NEO1: variants seen among roughly 807,000 people sequenced by gnomAD.
NEO1 encodes neogenin.
NEO1 carries 63 observed loss-of-function variants against 159.7 expected under a neutral mutation model. The ratio of observed to expected loss-of-function variants is 0.39; its 90% CI spans 0.32 to 0.49. The LOEUF is 0.49. Among genes scored for constraint, NEO1 ranks in the 20% least tolerant of loss-of-function variants. The pLI is 0.85. For missense variants in NEO1, 1,615 were observed against 1,831.0 expected, an observed-to-expected ratio of 0.88 and a Z score of 2.15; for synonymous variants, 633 against 662.0, an observed-to-expected ratio of 0.96 and a Z score of 0.67.
intron 1 of NEO1, among the ~76,000 whole-genome samples, chr15:73,060,761 C>G (rs1373921785): frequency 6.6e-6 from 1 of 152,100 alleles, no homozygotes; most frequent in Non-Finnish European, 1.5e-5. Flanking sequence ...GATCCCCAGC[C>G]TCAGCCTCCC....
chr15:73,210,583 T>C (rs2037502767), intron 7 of NEO1, among the ~76,000 whole-genome samples: 1 of 152,362 alleles, frequency 6.6e-6, no homozygotes, highest in East Asian at 1.9e-4. Flanking sequence ...GTGGAACTTC[T>C]ACAAATTAGA....
chr15:73,124,426 C>T (rs1267005925), intron 3 of NEO1, among the ~76,000 whole-genome samples: 1 of 152,136 alleles, frequency 6.6e-6, no homozygotes. Flanking sequence ...TTTTCCATGT[C>T]ATTCAGAGTT....
intron 7 of NEO1, among the ~76,000 whole-genome samples, chr15:73,229,419 G>A (rs1037637755): frequency 2.0e-5 from 3 of 148,914 alleles, no homozygotes; most frequent in Non-Finnish European, 3.0e-5. Flanking sequence ...CATATCCTCC[G>A]ACCTTGCTAG....
intron 7 of NEO1, among the ~76,000 whole-genome samples, chr15:73,201,327 G>C (rs979422802): frequency 2.6e-5 from 4 of 151,294 alleles, no homozygotes; most frequent in African/African-American, 9.7e-5. Context: ...TCCCTCTTTG[G>C]CCCATGAGTT....
intron 7 of NEO1, among the ~76,000 whole-genome samples, chr15:73,230,121 AT>A (rs1443716150): frequency 6.6e-6 from 1 of 152,178 alleles, no homozygotes; most frequent in African/African-American, 2.4e-5. Context: ...AAGGATTAGT[AT>A]TATTTCTCTT....
intron 19 of NEO1, 37 bp downstream of exon 19, chr15:73,272,599 C>A: frequency 1.4e-6 from 2 of 1,394,972 alleles, no homozygotes; most frequent in South Asian, 1.2e-5. Flanking sequence ...TTTGTGCGCT[C>A]TTCCTGCCTG....
chr15:73,196,878 T>C (rs2036560296), intron 7 of NEO1, among the ~76,000 whole-genome samples: 1 of 152,222 alleles, frequency 6.6e-6, no homozygotes, highest in African/African-American at 2.4e-5. Context: ...TTCCCATTCA[T>C]TGGAATTTAA....
chr15:73,193,880 C>T (rs778548841), intron 7 of NEO1, among the ~76,000 whole-genome samples: 4 of 151,854 alleles, frequency 2.6e-5, no homozygotes, highest in African/African-American at 7.3e-5. Context: ...GATTGAAGAA[C>T]GTGGCATGTG....
intron 7 of NEO1, among the ~76,000 whole-genome samples, chr15:73,181,755 G>A (rs987378506): frequency 1.3e-5 from 2 of 152,074 alleles, no homozygotes; most frequent in African/African-American, 4.8e-5. Context: ...TCCAACACTG[G>A]GGATTACCTT....
At chr15:73,134,011 C>T (rs1005518742) in intron 4 of NEO1, among the ~76,000 whole-genome samples, 5 of 152,142 alleles carry the variant, frequency 3.3e-5, no homozygotes, top group African/African-American at 1.2e-4. Flanking sequence ...AAATTATGTT[C>T]ATCTCAGCTG....
chr15:73,255,584 G>A (rs2040299003), intron 13 of NEO1: 1 of 152,218 alleles, frequency 6.6e-6, no homozygotes, highest in South Asian at 2.1e-4. Context: ...GATGCCCCAA[G>A]CTGTCCTTGT....
At chr15:73,111,427 T>C (rs2070983945) in intron 1 of NEO1, among the ~76,000 whole-genome samples, 1 of 152,208 alleles carries the variant, frequency 6.6e-6, no homozygotes, top group Non-Finnish European at 1.5e-5. Context: ...AGTAATACTA[T>C]TTTTATGTAA....
At chr15:73,269,542 G>A (rs1045717362) in intron 16 of NEO1, among the ~76,000 whole-genome samples, 2 of 152,040 alleles carry the variant, frequency 1.3e-5, no homozygotes, top group African/African-American at 4.8e-5. Flanking sequence ...TGTATTTTTA[G>A]TAGAGACAGG....
chr15:73,242,218 T>C (rs1242542669), intron 8 of NEO1, among the ~76,000 whole-genome samples: 2 of 152,196 alleles, frequency 1.3e-5, no homozygotes, highest in African/African-American at 4.8e-5. Flanking sequence ...TAAAATACAA[T>C]ACAGTTGACT....
At chr15:73,070,507 T>G (rs540052876) in intron 1 of NEO1, among the ~76,000 whole-genome samples, 1 of 152,316 alleles carries the variant, frequency 6.6e-6, no homozygotes, top group African/African-American at 2.4e-5. Flanking sequence ...ATGATGAAAG[T>G]GAATCATGGA....
chr15:73,263,229 T>C (rs188594075), intron 15 of NEO1, among the ~76,000 whole-genome samples: 2 of 150,586 alleles, frequency 1.3e-5, no homozygotes, highest in Admixed American at 6.6e-5. Flanking sequence ...CATCTCACTC[T>C]GTTGCCCAGG....
intron 7 of NEO1, among the ~76,000 whole-genome samples, chr15:73,218,682 C>T (rs2038049889): frequency 6.6e-6 from 1 of 151,608 alleles, no homozygotes; most frequent in South Asian, 2.1e-4. Context: ...GGAATTTATC[C>T]ATTTCTTGTA....
At chr15:73,083,382 G>A (rs925485793) in intron 1 of NEO1, among the ~76,000 whole-genome samples, 4 of 151,936 alleles carry the variant, frequency 2.6e-5, no homozygotes, top group African/African-American at 7.3e-5. Context: ...AGATGCCAAG[G>A]ATGGGCCCAA....
intron 5 of NEO1, among the ~76,000 whole-genome samples, chr15:73,166,996 AC>A (rs1376929616): frequency 6.6e-6 from 1 of 151,828 alleles, no homozygotes; most frequent in Non-Finnish European, 1.5e-5. Context: ...GAAGCTGGAA[AC>A]CATCATTCTC....
Sources: allele counts gnomAD v4.1 joint callset (sites outside exome capture counted in the v4.1 genomes callset), GRCh38; gene constraint gnomAD v4.1.1; transcripts MANE v1.5; gene names NCBI Gene and HGNC (gene_info 2026-07-23, HGNC 2026-07-21).